CRISPLD1: variants seen among roughly 807,000 people sequenced by gnomAD.
CRISPLD1 encodes cysteine-rich secretory protein LCCL domain-containing 1.
CRISPLD1 carries 60 observed loss-of-function variants against 77.5 expected under a neutral mutation model. The observed-to-expected ratio is 0.77, with a 90% CI of 0.63 to 0.96. The LOEUF is 0.96. Among genes scored for constraint, CRISPLD1 ranks in the 40% least tolerant of loss-of-function variants. The pLI is 0.00. For missense variants in CRISPLD1, 623 were observed against 615.8 expected (o/e 1.01, Z -0.12); for synonymous variants, 195 against 200.1 (o/e 0.97, Z 0.22).
chr8:75,007,012 T>C (rs998182029), intron 2 of CRISPLD1, among the ~76,000 whole-genome samples: 9 of 152,130 alleles, frequency 5.9e-5, no homozygotes, highest in Non-Finnish European at 2.9e-5. Flanking sequence ...ATTTGAAAAA[T>C]AACACCTTCC....
intron 2 of CRISPLD1, among the ~76,000 whole-genome samples, chr8:75,011,059 C>T (rs937038140): frequency 6.8e-4 from 104 of 151,852 alleles, no homozygotes; most frequent in African/African-American, 2.2e-3. Flanking sequence ...CCTTTTCTTT[C>T]GCTTACCACC....
intron 2 of CRISPLD1, among the ~76,000 whole-genome samples, chr8:75,012,072 C>CTTTAT (rs1812941399): frequency 6.6e-6 from 1 of 152,026 alleles, no homozygotes. Flanking sequence ...ACAATGTCAG[C>CTTTAT]AAGAGCAAGG....
chr8:74,985,662 CT>C (rs1047900366), intron 1 of CRISPLD1, among the ~76,000 whole-genome samples: 3 of 151,456 alleles, frequency 2.0e-5, no homozygotes, highest in African/African-American at 7.3e-5. Context: ...TTCTAGGCTA[CT>C]TTTGCCATTT....
chr8:75,006,234 A>G (rs1169811605), intron 2 of CRISPLD1, among the ~76,000 whole-genome samples: 1 of 152,160 alleles, frequency 6.6e-6, no homozygotes, highest in Non-Finnish European at 1.5e-5. Context: ...GAATTATATC[A>G]TGGGCCAGTA....
intron 2 of CRISPLD1, among the ~76,000 whole-genome samples, chr8:75,011,865 G>A (rs1455795): frequency 0.074 from 11,327 of 152,140 alleles, 463 homozygotes; most frequent in South Asian, 0.091. Flanking sequence ...TATGTAAGCA[G>A]ATACTGATAT....
At chr8:75,007,630 C>G (rs976609788) in intron 2 of CRISPLD1, among the ~76,000 whole-genome samples, 4 of 142,540 alleles carry the variant, frequency 2.8e-5, no homozygotes, top group Non-Finnish European at 4.5e-5. Context: ...AGTGCAGTGG[C>G]GCGATCTTGG....
Position 75,016,583 on chromosome 8 carries a change from AT to A in CRISPLD1, c.747del (p.Pro251LeufsTer9), listed in dbSNP as rs764931778. 7 of 1,613,130 alleles carry A rather than the reference AT, an allele frequency of 4.3e-6. No individual in the cohort carries two copies. Among genetic ancestry groups the A allele is most frequent in the Non-Finnish European group, 5.9e-6 (7 of 1,179,318 alleles). On this transcript the variant is annotated frameshift_variant, in exon 7 of 15. Coordinates refer to ENST00000262207, the MANE Select transcript of CRISPLD1 (RefSeq NM_031461.6). LOFTEE classifies it high-confidence loss of function. The part of the protein sequence containing the change: ...LCYKEGSDRY[Y>X]PPREEETNEI... ...CTAACAGAAGGGTCAGACAGGTATTATCCCCCTCGAGAAGAGGAAACAAATG... is the reference window on the plus strand; with the variant it reads ...CTAACAGAAGGGTCAGACAGGTATTACCCCCTCGAGAAGAGGAAACAAATG...
At chr8:75,027,151 A>T (rs772880053) in intron 13 of CRISPLD1, among the ~76,000 whole-genome samples, 8 of 151,936 alleles carry the variant, frequency 5.3e-5, no homozygotes, top group Non-Finnish European at 1.0e-4. Context: ...CTCTTTTATT[A>T]GTTTGTAAGT....
chr8:75,004,154 C>T lies in CRISPLD1; in HGVS notation c.259-8279C>T, dbSNP rs12542841. Among the ~76,000 whole-genome samples the T allele has an allele frequency of 1.2e-4, 19 of 152,190 alleles. 1 individual carries two copies. The highest frequency in any genetic ancestry group is 1.2e-3 in the Admixed American group (19 of 15,268). ...AATTTGCAGGAGACCCTAATTTGTGCATTGCCTTAAGGTAATGCTTCTTTC... is the reference window on the plus strand; with the variant it reads ...AATTTGCAGGAGACCCTAATTTGTGTATTGCCTTAAGGTAATGCTTCTTTC... On this transcript the variant is annotated intron_variant, in intron 2 of 14. Transcript: ENST00000262207.
intron 2 of CRISPLD1, among the ~76,000 whole-genome samples, chr8:74,988,536 G>T (rs781312512): frequency 3.3e-5 from 5 of 151,864 alleles, no homozygotes; most frequent in Non-Finnish European, 7.4e-5. Context: ...TAACTTTTAG[G>T]GTTAAAAATT....
At position 75,033,361 on chromosome 8, in the gene CRISPLD1, G is replaced by A. The variant is rs527782991; in HGVS notation, c.*1119G>A. 2 of 151,918 alleles carry A rather than the reference G, an allele frequency of 1.3e-5. No homozygotes were observed. Among genetic ancestry groups the A allele is most frequent in the African/African-American group, 4.8e-5 (2 of 41,358 alleles). The allele number at this position is 151,918 out of a possible 1,614,324, so 9.4% of individuals were successfully genotyped here. On this transcript the variant is annotated 3_prime_UTR_variant, in exon 15 of 15. Coordinates refer to ENST00000262207, the MANE Select transcript of CRISPLD1 (RefSeq NM_031461.6). ...ATTTAGAAATCACTTTAAGATAAAT[G>A]AACAAAATTATTGTAAGTCTTCTAA...
intron 2 of CRISPLD1, among the ~76,000 whole-genome samples, chr8:75,004,441 A>C (rs996672119): frequency 3.3e-5 from 5 of 152,154 alleles, no homozygotes. Flanking sequence ...GACGTCTGGG[A>C]GAAAATTACA....
At chr8:75,007,912 C>T (rs1297165114) in intron 2 of CRISPLD1, among the ~76,000 whole-genome samples, 1 of 151,962 alleles carries the variant, frequency 6.6e-6, no homozygotes, top group Non-Finnish European at 1.5e-5. Flanking sequence ...CTCCTGGCCT[C>T]AAGTGATCCT....
intron 2 of CRISPLD1, among the ~76,000 whole-genome samples, chr8:75,010,888 G>C (rs1288349134): frequency 6.6e-6 from 1 of 151,648 alleles, no homozygotes; most frequent in Non-Finnish European, 1.5e-5. Context: ...TTTTTCCTCT[G>C]GACCCCCAGT....
At position 75,032,425 on chromosome 8, in the gene CRISPLD1, A is replaced by C; in HGVS notation, c.*183A>C. ...TAAAACATGGGACATTAGCTTTGGG[A>C]AAAGTAATGAAAATATAATGGTTTT... On this transcript the variant is annotated 3_prime_UTR_variant, in exon 15 of 15. Coordinates refer to ENST00000262207, the MANE Select transcript of CRISPLD1 (RefSeq NM_031461.6). The C allele has an allele frequency of 2.4e-6, 1 of 421,286 alleles. No homozygotes were observed. The highest frequency in any genetic ancestry group is 4.3e-6 in the Non-Finnish European group (1 of 232,260). The allele number at this position is 421,286 out of a possible 1,614,324, so 26.1% of individuals were successfully genotyped here.
In CRISPLD1 at chr8:75,014,845, T is replaced by C. The variant is rs139637442; in HGVS notation, c.660T>C (p.His220=). 1.0e-5 allele frequency: 16 copies of C among 1,589,064 alleles called. No homozygotes were observed. The highest frequency in any genetic ancestry group is 1.4e-5 in the Non-Finnish European group (16 of 1,171,476). The change falls in exon 6 of 15, where the codon CAT becomes CAC. Residue 220 remains histidine, a synonymous_variant. Coordinates refer to ENST00000262207, the MANE Select transcript of CRISPLD1 (RefSeq NM_031461.6). ...GNWWGHAPYK[H]GRPCSACPPS... is the part of the protein sequence containing the mutation. ...GGTGGGGCCATGCCCCTTACAAACATGGGCGGCCCTGTTCTGCTTGCCCAC... is the reference window on the plus strand; with the variant it reads ...GGTGGGGCCATGCCCCTTACAAACACGGGCGGCCCTGTTCTGCTTGCCCAC...
Position 75,012,884 on chromosome 8 carries a change from T to C in CRISPLD1, c.378-6T>C. On this transcript the variant is annotated splice_region_variant and splice_polypyrimidine_tract_variant and intron_variant, in intron 3 of 14. Coordinates refer to ENST00000262207, the MANE Select transcript of CRISPLD1 (RefSeq NM_031461.6). ...TTGCCCTCTGTGACTATTTTCTTTC[T>C]AATAGATATAGGCCCCCGACGTTTC... The C allele has an allele frequency of 6.2e-7, 1 of 1,603,376 alleles. No individual in the cohort carries two copies. The highest frequency in any genetic ancestry group is 8.5e-7 in the Non-Finnish European group (1 of 1,174,496).
rs2128790561 is a variant in CRISPLD1, at chr8:75,034,229, A to G, written c.*1987A>G. On this transcript the variant is annotated 3_prime_UTR_variant, in exon 15 of 15. Transcript: ENST00000262207. ...ATAGTCTTGTTCATATTGTTTACCT[A>G]TCTTCTACACAAGGCGTGTCCTTGG... 1 of 152,190 alleles carries G rather than the reference A, an allele frequency of 6.6e-6. No homozygotes were observed. Among genetic ancestry groups the G allele is most frequent in the South Asian group, 2.1e-4 (1 of 4,832 alleles). 9.4% of individuals were successfully genotyped at this position (152,190 alleles called of 1,614,324 possible).
In CRISPLD1 at chr8:75,014,078, A is replaced by C. The variant is rs761920843; in HGVS notation, c.602A>C (p.Tyr201Ser). 3.1e-6 allele frequency: 5 copies of C among 1,612,212 alleles called. No individual in the cohort carries two copies. In the South Asian group the frequency reaches 5.5e-5, roughly 18 times the overall value. Residue 201 changes from tyrosine (Y) to serine (S), a missense_variant, in exon 5 of 15, where the codon TAC (tyrosine) becomes TCC (serine). By Grantham distance (144) the Tyr-to-Ser change is moderately radical (BLOSUM62 -2). Transcript: ENST00000262207. ...IWGQIWPKAVYLVCNYSPKGN... is the reference protein window; with the variant it reads ...IWGQIWPKAVSLVCNYSPKGN... ...GGGCAGATATGGCCCAAAGCTGTCTACCTGGTGTGCAATTACTCCCCAAAG... is the reference window on the plus strand; with the variant it reads ...GGGCAGATATGGCCCAAAGCTGTCTCCCTGGTGTGCAATTACTCCCCAAAG...
Sources: gnomAD v4.1 joint callset for allele counts (sites outside exome capture counted in the v4.1 genomes callset) on GRCh38, gnomAD v4.1.1 for gene constraint, MANE v1.5 for transcripts, NCBI Gene and HGNC (gene_info 2026-07-23, HGNC 2026-07-21) for gene names.